KCNK9: variants seen among roughly 807,000 people sequenced by gnomAD.
The protein encoded by KCNK9 is potassium two pore domain channel subfamily K member 9, also known as potassium channel subfamily K member 9.
Under a neutral mutation model 10.8 loss-of-function variants are expected in KCNK9, and 1 was observed. That is an observed-to-expected ratio of 0.09 (90% confidence interval 0.03 to 0.44). The LOEUF (loss-of-function observed/expected upper bound fraction) is 0.44. Ranked by LOEUF, KCNK9 falls within the 20% of genes least tolerant of loss-of-function variation. The pLI, the probability that KCNK9 is intolerant of heterozygous loss-of-function variation, is 0.97. For missense variants in KCNK9, 303 were observed against 515.0 expected, an observed-to-expected ratio of 0.59 and a Z score of 3.98; for synonymous variants, 231 against 222.7, an observed-to-expected ratio of 1.04 and a Z score of -0.33.
At chr8:139,683,118 G>T (rs1343721975) in intron 1 of KCNK9, among the ~76,000 whole-genome samples, 2 of 152,130 alleles carry the variant, frequency 1.3e-5, no homozygotes, top group African/African-American at 2.4e-5. Context: ...TAGGAAGAAG[G>T]AAAAGGGTCA....
intron 2 of KCNK9, among the ~76,000 whole-genome samples, chr8:139,603,044 A>T (rs2072567): frequency 0.54 from 81,488 of 152,058 alleles, 23,159 homozygotes; most frequent in African/African-American, 0.73. Flanking sequence ...ATGTGCTCCT[A>T]CGGTTCTCAT....
intron 1 of KCNK9, among the ~76,000 whole-genome samples, chr8:139,672,153 C>T (rs530687836): frequency 3.5e-4 from 54 of 152,318 alleles, no homozygotes; most frequent in African/African-American, 1.1e-3. Context: ...TCCAATCCCT[C>T]GCTTAACTCC....
At chr8:139,662,812 C>T (rs1007778934) in intron 1 of KCNK9, among the ~76,000 whole-genome samples, 5 of 65,138 alleles carry the variant, frequency 7.7e-5, no homozygotes, top group East Asian at 6.9e-4. Context: ...TAGTGAGGTG[C>T]GGGGGACAGG....
At chr8:139,676,553 T>C (rs530562343) in intron 1 of KCNK9, among the ~76,000 whole-genome samples, 28 of 152,316 alleles carry the variant, frequency 1.8e-4, no homozygotes, top group African/African-American at 6.5e-4. Flanking sequence ...TGCCCCTGAT[T>C]CTGAGAGGAG....
At chr8:139,665,823 G>A (rs968581724) in intron 1 of KCNK9, among the ~76,000 whole-genome samples, 6 of 152,220 alleles carry the variant, frequency 3.9e-5, no homozygotes, top group African/African-American at 1.2e-4. Context: ...CAACACGGTA[G>A]GTCTGGCAGG....
intron 1 of KCNK9, among the ~76,000 whole-genome samples, chr8:139,699,236 ACT>A (rs1368814257): frequency 6.6e-5 from 10 of 152,260 alleles, no homozygotes; most frequent in South Asian, 4.1e-4. Flanking sequence ...GGAGACTCTA[ACT>A]CTGTTGGATC....
downstream of KCNK9, among the ~76,000 whole-genome samples, chr8:139,615,040 T>C (rs568730783): frequency 1.3e-5 from 2 of 152,274 alleles, no homozygotes; most frequent in Non-Finnish European, 2.9e-5. Flanking sequence ...CATGGTTAAC[T>C]GGGAGAAGGG....
chr8:139,695,242 T>C (rs1385612428), intron 1 of KCNK9, among the ~76,000 whole-genome samples: 1 of 152,214 alleles, frequency 6.6e-6, no homozygotes, highest in Non-Finnish European at 1.5e-5. Context: ...CCAGAAAAGC[T>C]AGTGCACCAA....
chr8:139,638,139 C>T (rs144006008), intron 1 of KCNK9, among the ~76,000 whole-genome samples: 13 of 151,930 alleles, frequency 8.6e-5, no homozygotes, highest in Non-Finnish European at 1.9e-4. Flanking sequence ...CAAGGCAGAA[C>T]GAGGGAAGAC....
At chr8:139,677,576 A>T (rs993123947) in intron 1 of KCNK9, among the ~76,000 whole-genome samples, 11 of 152,150 alleles carry the variant, frequency 7.2e-5, no homozygotes. Flanking sequence ...AAGGAGGAAA[A>T]AAAATAAAGG....
At chr8:139,624,134 G>A (rs974056199) in intron 1 of KCNK9, among the ~76,000 whole-genome samples, 2 of 152,144 alleles carry the variant, frequency 1.3e-5, no homozygotes, top group Non-Finnish European at 2.9e-5. Flanking sequence ...TGCACACAAG[G>A]GACGCAGCCA....
chr8:139,699,539 G>A (rs759551836), intron 1 of KCNK9, among the ~76,000 whole-genome samples: 9 of 152,200 alleles, frequency 5.9e-5, no homozygotes, highest in Admixed American at 1.3e-4. Flanking sequence ...CATAATCTCC[G>A]CAGAAATAGC....
intron 1 of KCNK9, among the ~76,000 whole-genome samples, chr8:139,652,483 GGGGT>G (rs1422459115): frequency 6.6e-6 from 1 of 152,094 alleles, no homozygotes; most frequent in Non-Finnish European, 1.5e-5. Context: ...ACATGCATGT[GGGGT>G]CCTTCCCTCT....
intron 1 of KCNK9, among the ~76,000 whole-genome samples, chr8:139,627,998 G>GT (rs1273392621): frequency 6.6e-6 from 1 of 152,252 alleles, no homozygotes; most frequent in Non-Finnish European, 1.5e-5. Flanking sequence ...TTAAAATGTG[G>GT]TATCTAATTA....
At chr8:139,694,749 C>T (rs1257266028) in intron 1 of KCNK9, among the ~76,000 whole-genome samples, 14 of 152,328 alleles carry the variant, frequency 9.2e-5, no homozygotes, top group Non-Finnish European at 8.8e-5. Flanking sequence ...CCCTCCACCC[C>T]ATTGCCACCT....
chr8:139,633,780 C>T (rs1815248886), intron 1 of KCNK9, among the ~76,000 whole-genome samples: 1 of 152,238 alleles, frequency 6.6e-6, no homozygotes. Flanking sequence ...GTCTCCCATC[C>T]TAGACAACCA....
chr8:139,649,573 G>A (rs529516711), intron 1 of KCNK9, among the ~76,000 whole-genome samples: 8 of 152,136 alleles, frequency 5.3e-5, no homozygotes, highest in South Asian at 4.2e-4. Context: ...TTCCATGCCC[G>A]GTCTACTCCC....
chr8:139,653,424 C>T (rs556642571), intron 1 of KCNK9, among the ~76,000 whole-genome samples: 3 of 152,246 alleles, frequency 2.0e-5, no homozygotes, highest in East Asian at 3.9e-4. Flanking sequence ...CTCCCCAGCC[C>T]CCTGCAAGTG....
intron 1 of KCNK9, among the ~76,000 whole-genome samples, chr8:139,631,058 C>A (rs979305263): frequency 6.6e-6 from 1 of 152,250 alleles, no homozygotes; most frequent in Non-Finnish European, 1.5e-5. Context: ...CTCTGGCGGG[C>A]ACTCGGGCGA....
Sources: allele counts gnomAD v4.1 joint callset (sites outside exome capture counted in the v4.1 genomes callset), GRCh38; gene constraint gnomAD v4.1.1; transcripts MANE v1.5; gene names NCBI Gene and HGNC (gene_info 2026-07-23, HGNC 2026-07-21).